Variants in STK32B observed in about 807,000 individuals in gnomAD.
The protein encoded by STK32B is serine/threonine kinase 32B.
Under a neutral mutation model 52.6 loss-of-function variants are expected in STK32B, and 43 were observed. That is an observed-to-expected ratio of 0.82 (90% CI 0.64 to 1.05). The LOEUF (loss-of-function observed/expected upper bound fraction) is 1.05, where lower values mean the gene tolerates loss of function less well. Among genes scored for constraint, STK32B ranks in the 50% least tolerant of loss-of-function variants. The pLI, the probability that STK32B is intolerant of heterozygous loss-of-function variation, is 0.00. For missense variants in STK32B, 621 were observed against 534.6 expected (o/e 1.16, Z -1.59); for synonymous variants, 238 against 204.3 (o/e 1.17, Z -1.41).
At chr4:5,258,618 T>C (rs962016535) in intron 3 of STK32B, among the ~76,000 whole-genome samples, 10 of 152,272 alleles carry the variant, frequency 6.6e-5, no homozygotes, top group African/African-American at 2.4e-4. Context: ...ATCTAATCCA[T>C]GAAGAAATCT....
intron 7 of STK32B, among the ~76,000 whole-genome samples, chr4:5,450,418 A>C (rs1392408558): frequency 6.6e-6 from 1 of 152,012 alleles, no homozygotes; most frequent in Non-Finnish European, 1.5e-5. Context: ...ACAGGTGAGC[A>C]CCCATCTGTT....
chr4:5,473,781 A>T (rs532793843), intron 11 of STK32B, among the ~76,000 whole-genome samples: 84 of 152,294 alleles, frequency 5.5e-4, no homozygotes, highest in Non-Finnish European at 1.5e-5. Context: ...CTGTGGATGG[A>T]GGGTGCCCTG....
intron 7 of STK32B, among the ~76,000 whole-genome samples, chr4:5,448,944 G>T (rs1447926541): frequency 1.3e-5 from 2 of 152,162 alleles, no homozygotes; most frequent in East Asian, 3.9e-4. Context: ...CATGGACTAC[G>T]TAAATTTAGG....
chr4:5,096,431 G>A (rs1204840452), intron 1 of STK32B, among the ~76,000 whole-genome samples: 1 of 152,222 alleles, frequency 6.6e-6, no homozygotes, highest in African/African-American at 2.4e-5. Flanking sequence ...TGCGAGCCAA[G>A]GAAATTGATC....
chr4:5,426,507 C>A (rs1307942174), intron 6 of STK32B, among the ~76,000 whole-genome samples: 2 of 151,844 alleles, frequency 1.3e-5, no homozygotes, highest in Non-Finnish European at 2.9e-5. Flanking sequence ...GATTTCAAGA[C>A]CAGCCTGGCC....
intron 1 of STK32B, among the ~76,000 whole-genome samples, chr4:5,108,613 T>C (rs916758321): frequency 3.3e-5 from 5 of 152,244 alleles, no homozygotes; most frequent in Admixed American, 2.0e-4. Flanking sequence ...TGTGGCAATA[T>C]AGTTAATTTT....
chr4:5,160,312 A>G (rs1404917178), intron 2 of STK32B, among the ~76,000 whole-genome samples: 3 of 152,302 alleles, frequency 2.0e-5, no homozygotes, highest in Middle Eastern at 3.4e-3. Context: ...TGGAGCCTTT[A>G]TAACTGCCCA....
chr4:5,181,114 C>T (rs1039630009), intron 3 of STK32B, among the ~76,000 whole-genome samples: 8 of 152,126 alleles, frequency 5.3e-5, no homozygotes, highest in African/African-American at 1.9e-4. Context: ...CCCAGGTTCT[C>T]ATCCTAGCTC....
chr4:5,147,338 A>G (rs1716991173), intron 2 of STK32B, among the ~76,000 whole-genome samples: 1 of 151,050 alleles, frequency 6.6e-6, no homozygotes, highest in South Asian at 2.1e-4. Context: ...GTTGTTTTGT[A>G]GTATTCTGGA....
chr4:5,404,771 C>T (rs375971348), intron 5 of STK32B, among the ~76,000 whole-genome samples: 2 of 151,066 alleles, frequency 1.3e-5, no homozygotes, highest in African/African-American at 4.9e-5. Context: ...AGGCCACATT[C>T]TATGGTAATG....
At chr4:5,334,829 A>G (rs368451410) in intron 4 of STK32B, among the ~76,000 whole-genome samples, 2 of 152,114 alleles carry the variant, frequency 1.3e-5, no homozygotes, top group South Asian at 4.2e-4. Context: ...GATGAAGCCC[A>G]CTTGATCATG....
chr4:5,119,559 C>T (rs1277107773), intron 1 of STK32B, among the ~76,000 whole-genome samples: 2 of 152,222 alleles, frequency 1.3e-5, no homozygotes, highest in African/African-American at 4.8e-5. Context: ...TTGTCAGTAT[C>T]TCCAGGCTTC....
chr4:5,350,786 G>A (rs1733775437), intron 4 of STK32B, among the ~76,000 whole-genome samples: 1 of 151,880 alleles, frequency 6.6e-6, no homozygotes, highest in South Asian at 2.1e-4. Flanking sequence ...AAAGTAAAAG[G>A]ATAGAAAAAG....
chr4:5,100,650 C>A (rs1451413122), intron 1 of STK32B, among the ~76,000 whole-genome samples: 6 of 120,264 alleles, frequency 5.0e-5, no homozygotes, highest in Non-Finnish European at 1.0e-4. Flanking sequence ...TTCTTTCTCT[C>A]TTTCTCTTTC....
At position 5,301,994 on chromosome 4, in the gene STK32B, C is replaced by T. The variant is rs75217100; in HGVS notation, c.261-29226C>T. ...TTTTTATATGTCTTGTGGTTTTTCC[C>T]CCATTATTCCTCCATTACTTCTATC... On this transcript the variant is annotated intron_variant, in intron 3 of 11. Coordinates refer to ENST00000282908, the MANE Select transcript of STK32B (RefSeq NM_018401.3). 6.9e-3 allele frequency among the ~76,000 whole-genome samples: 1,038 copies of T among 150,960 alleles called. 20 individuals are homozygous for T. The highest frequency in any genetic ancestry group is 0.018 in the Middle Eastern group (5 of 278).
chr4:5,455,420 C>T (rs573677485), intron 7 of STK32B, among the ~76,000 whole-genome samples: 18 of 152,336 alleles, frequency 1.2e-4, no homozygotes, highest in East Asian at 9.6e-4. Context: ...CTACATATGC[C>T]GCATGCATAG....
intron 11 of STK32B, among the ~76,000 whole-genome samples, chr4:5,490,011 C>A (rs903263157): frequency 2.0e-4 from 30 of 151,982 alleles, no homozygotes; most frequent in African/African-American, 7.0e-4. Flanking sequence ...GATAGTAATA[C>A]AAACTCACTG....
At chr4:5,438,235 G>A (rs906064297) in intron 6 of STK32B, among the ~76,000 whole-genome samples, 2 of 152,236 alleles carry the variant, frequency 1.3e-5, no homozygotes, top group African/African-American at 2.4e-5. Flanking sequence ...CTGGTGCAGG[G>A]AAGGAAGTCC....
chr4:5,340,432 C>T (rs146960852), intron 4 of STK32B, among the ~76,000 whole-genome samples: 1 of 152,328 alleles, frequency 6.6e-6, no homozygotes, highest in East Asian at 1.9e-4. Context: ...CAGAAGGGCC[C>T]AAACTTGAGA....
Sources: allele counts gnomAD v4.1 joint callset (sites outside exome capture counted in the v4.1 genomes callset), GRCh38; gene constraint gnomAD v4.1.1; transcripts MANE v1.5; gene names NCBI Gene and HGNC (gene_info 2026-07-23, HGNC 2026-07-21).